R3HCC1L: variants seen among roughly 807,000 people sequenced by gnomAD.
R3HCC1L encodes coiled-coil domain-containing protein R3HCC1L.
A neutral mutation model predicts 59.9 loss-of-function variants in R3HCC1L; 51 were observed. The observed-to-expected ratio is 0.85, with a 90% CI of 0.68 to 1.07. R3HCC1L has a LOEUF of 1.07. Ranked by LOEUF, R3HCC1L falls within the 50% of genes least tolerant of loss-of-function variation. The probability of loss-of-function intolerance (pLI) is 0.00; values close to 1 mark genes in which losing one functional copy is unlikely to be tolerated. For missense variants in R3HCC1L, 965 were observed against 933.0 expected (o/e 1.03, Z -0.45); for synonymous variants, 322 against 315.2 (o/e 1.02, Z -0.23).
At chr10:98,171,624 A>C (rs1321650130) in intron 4 of R3HCC1L, among the ~76,000 whole-genome samples, 1 of 152,126 alleles carries the variant, frequency 6.6e-6, no homozygotes, top group African/African-American at 2.4e-5. Context: ...GGCCAAGCTG[A>C]TTTCGGGTAT....
At chr10:98,201,554 T>C (rs563892429) in intron 4 of R3HCC1L, among the ~76,000 whole-genome samples, 12 of 152,232 alleles carry the variant, frequency 7.9e-5, no homozygotes, top group Non-Finnish European at 1.8e-4. Flanking sequence ...CCCATGTGCC[T>C]TGCCTCCTTC....
chr10:98,180,324 G>C (rs192460367), intron 4 of R3HCC1L, among the ~76,000 whole-genome samples: 7 of 152,232 alleles, frequency 4.6e-5, no homozygotes, highest in Admixed American at 4.6e-4. Flanking sequence ...ATGAAATAAC[G>C]TCATTCAGGA....
chr10:98,137,984 G>A (rs987077018), intron 1 of R3HCC1L, among the ~76,000 whole-genome samples: 1 of 151,966 alleles, frequency 6.6e-6, no homozygotes, highest in African/African-American at 2.4e-5. Context: ...TTTCAAGATG[G>A]CATTTCTTAG....
chr10:98,210,929 A>C (rs1473359539), intron 5 of R3HCC1L, among the ~76,000 whole-genome samples: 5 of 152,210 alleles, frequency 3.3e-5, no homozygotes, highest in South Asian at 2.1e-4. Context: ...ATAATACTGA[A>C]GAGGGCGGTC....
chr10:98,189,363 G>A (rs906040747), intron 4 of R3HCC1L, among the ~76,000 whole-genome samples: 1 of 152,164 alleles, frequency 6.6e-6, no homozygotes, highest in Non-Finnish European at 1.5e-5. Flanking sequence ...GCGCAGTTTG[G>A]CAGTTTGAAC....
chr10:98,159,756 A>G (rs1847218814), intron 2 of R3HCC1L, among the ~76,000 whole-genome samples: 1 of 152,144 alleles, frequency 6.6e-6, no homozygotes, highest in African/African-American at 2.4e-5. Context: ...TTGAGCATGT[A>G]TTCTAGGCTC....
At chr10:98,165,163 A>G (rs553192638) in intron 4 of R3HCC1L, among the ~76,000 whole-genome samples, 2 of 152,310 alleles carry the variant, frequency 1.3e-5, no homozygotes, top group East Asian at 3.9e-4. Context: ...CTGGAGGCTG[A>G]GACAAGCTAT....
At chr10:98,240,677 T>TA (rs1212782342) in intron 9 of R3HCC1L, among the ~76,000 whole-genome samples, 2 of 152,246 alleles carry the variant, frequency 1.3e-5, no homozygotes, top group African/African-American at 4.8e-5. Context: ...AAAACCTTCT[T>TA]TAGACTTTCC....
chr10:98,216,895 TA>T lies in R3HCC1L; in HGVS notation c.1785+6998del, dbSNP rs2135397426. Among the ~76,000 whole-genome samples the T allele has an allele frequency of 2.0e-5, 3 of 152,316 alleles. 1 individual carries two copies. The South Asian group carries it at 6.2e-4, about 32-fold the overall frequency. On this transcript the variant is annotated intron_variant, in intron 5 of 9. Coordinates refer to ENST00000298999, the MANE Select transcript of R3HCC1L (RefSeq NM_001351015.2). ...ACACCCAGCTTAGAATAAGTCTTGTTAAGCATGCATTTGGACAAAATAATTA... is the reference window on the plus strand; with the variant it reads ...ACACCCAGCTTAGAATAAGTCTTGTTAGCATGCATTTGGACAAAATAATTA...
chr10:98,176,154 T>A (rs1848997008), intron 4 of R3HCC1L, among the ~76,000 whole-genome samples: 1 of 152,160 alleles, frequency 6.6e-6, no homozygotes, highest in South Asian at 2.1e-4. Context: ...TTCTCCAATG[T>A]GACACTTACC....
intron 3 of R3HCC1L, 75 bp from the exon 4 acceptor site, chr10:98,163,218 G>A (rs1847614793): frequency 1.0e-5 from 4 of 387,836 alleles, no homozygotes; most frequent in Non-Finnish European, 1.9e-5. Context: ...GACAATGAAA[G>A]TTAAGTGCCT....
In R3HCC1L at chr10:98,231,691, A is replaced by C; in HGVS notation, c.1961+4A>C. On this transcript the variant is annotated splice_donor_region_variant and intron_variant, in intron 6 of 9. Transcript: ENST00000298999. The stretch of plus-strand genomic sequence containing the variant: ...TACGGGTTTTCTGCAGTTATCAGTG[A>C]GTATGCAAATGATTGTGGATGTTAG... 1.3e-6 allele frequency: 2 copies of C among 1,596,916 alleles called. No homozygotes were observed. Among genetic ancestry groups the C allele is most frequent in the South Asian group, 2.3e-5 (2 of 88,800 alleles).
intron 4 of R3HCC1L, among the ~76,000 whole-genome samples, chr10:98,199,306 T>A (rs1166557837): frequency 6.6e-6 from 1 of 152,122 alleles, no homozygotes; most frequent in Non-Finnish European, 1.5e-5. Flanking sequence ...TCTTTTGTCC[T>A]CTCATCATTT....
intron 5 of R3HCC1L, among the ~76,000 whole-genome samples, chr10:98,212,001 A>G (rs918985636): frequency 6.6e-6 from 1 of 152,140 alleles, no homozygotes; most frequent in African/African-American, 2.4e-5. Flanking sequence ...TAAGCTGAAG[A>G]TGGACAGTGT....
intron 1 of R3HCC1L, among the ~76,000 whole-genome samples, chr10:98,151,691 G>A (rs1330068989): frequency 6.6e-6 from 1 of 152,118 alleles, no homozygotes; most frequent in Non-Finnish European, 1.5e-5. Context: ...AAAGACTAAG[G>A]ATGAAGAATT....
At chr10:98,186,431 C>G (rs1850225932) in intron 4 of R3HCC1L, 1 of 764,620 alleles carries the variant, frequency 1.3e-6, no homozygotes, top group Non-Finnish European at 1.6e-6. Context: ...AGACATTTAA[C>G]TATATTTAAT....
chr10:98,154,414 ATAAAC>A (rs1422383376), intron 1 of R3HCC1L, among the ~76,000 whole-genome samples: 3 of 152,168 alleles, frequency 2.0e-5, no homozygotes, highest in Non-Finnish European at 4.4e-5. Flanking sequence ...GGGACACTGA[ATAAAC>A]TATGTGTTGG....
chr10:98,222,104 A>T (rs1241075889), intron 5 of R3HCC1L, among the ~76,000 whole-genome samples: 1 of 152,112 alleles, frequency 6.6e-6, no homozygotes, highest in African/African-American at 2.4e-5. Flanking sequence ...CATCCCTTGT[A>T]AGTTGGATTC....
intron 1 of R3HCC1L, among the ~76,000 whole-genome samples, chr10:98,148,294 CTT>C (rs1333600900): frequency 6.6e-6 from 1 of 152,036 alleles, no homozygotes; most frequent in African/African-American, 2.4e-5. Flanking sequence ...TTGGTGGAAT[CTT>C]TAGGTTTTTC....
Sources: gnomAD v4.1 joint callset for allele counts (sites outside exome capture counted in the v4.1 genomes callset) on GRCh38, gnomAD v4.1.1 for gene constraint, MANE v1.5 for transcripts, NCBI Gene and HGNC (gene_info 2026-07-23, HGNC 2026-07-21) for gene names.